The following CELSR1 variants were observed in gnomAD, a reference collection of about 807,000 sequenced individuals.
CELSR1 encodes adhesion G protein-coupled receptor C1.
A neutral mutation model predicts 249.1 loss-of-function variants in CELSR1; 110 were observed. The observed-to-expected ratio is 0.44, with a 90% confidence interval of 0.38 to 0.52. CELSR1 has a LOEUF of 0.52. Among genes scored for constraint, CELSR1 ranks in the 20% least tolerant of loss-of-function variants. The pLI is 0.00. For missense variants in CELSR1, 4,109 were observed against 4,296.4 expected, an observed-to-expected ratio of 0.96 and a Z score of 1.22; for synonymous variants, 2,113 against 1,900.0, an observed-to-expected ratio of 1.11 and a Z score of -2.92.
chr22:46,415,768 G>A (rs1214219198), intron 5 of CELSR1, among the ~76,000 whole-genome samples: 1 of 152,186 alleles, frequency 6.6e-6, no homozygotes, highest in Non-Finnish European at 1.5e-5. Flanking sequence ...CTGCCAGGTG[G>A]CTATGAGTGA....
At chr22:46,376,166 T>A (rs532871156) in intron 24 of CELSR1, among the ~76,000 whole-genome samples, 1 of 152,392 alleles carries the variant, frequency 6.6e-6, no homozygotes, top group African/African-American at 2.4e-5. Context: ...TTAATGAGCA[T>A]AACATTTATC....
chr22:46,531,147 T>C (rs2080787664), intron 1 of CELSR1, among the ~76,000 whole-genome samples: 2 of 152,206 alleles, frequency 1.3e-5, no homozygotes, highest in Non-Finnish European at 2.9e-5. Flanking sequence ...TTTGGAGCAT[T>C]AAATCCTAGT....
At position 46,365,298 on chromosome 22, in the gene CELSR1, C is replaced by T. The variant is rs760526562; in HGVS notation, c.8487G>A (p.Glu2829=). 3 of 1,612,860 alleles carry T rather than the reference C, an allele frequency of 1.9e-6. No individual in the cohort carries two copies. The highest frequency in any genetic ancestry group is 2.5e-6 in the Non-Finnish European group (3 of 1,179,986). Residue 2829 remains glutamate (E), a synonymous_variant, in exon 32 of 35, where the codon GAG becomes GAA. Coordinates refer to ENST00000674500, the MANE Select transcript of CELSR1 (RefSeq NM_001378328.1). ...TTTCCTCAGCTCCCACCCCATCGTC[C>T]TCGCTGTCTGACGAGTGTGAGGAGG... ...SYASSHSSDS[E]DDGVGAEEKW... is the part of the protein sequence containing the mutation.
At position 46,364,166 on chromosome 22, in the gene CELSR1, G is replaced by C; in HGVS notation, c.8865C>G (p.Ala2955=). 1.2e-6 allele frequency: 2 copies of C among 1,612,234 alleles called. No individual in the cohort carries two copies. Among genetic ancestry groups the C allele is most frequent in the Non-Finnish European group, 1.7e-6 (2 of 1,179,814 alleles). ...TLKGRLREKL[A]DCEQSPTSSR... ...AGGATGTGGGGCTCTGCTCACAGTC[G>C]GCCAGCTTCTCCCGGAGCCGGCCCT... Residue 2955 remains alanine (A), a synonymous_variant, in exon 34 of 35, where the codon GCC becomes GCG. Transcript: ENST00000674500.
rs751165301 is a variant in CELSR1 at position 46,364,250 on chromosome 22, G to A, written c.8781C>T (p.Gly2927=). The A allele has an allele frequency of 1.7e-5, 27 of 1,607,604 alleles. No homozygotes were observed. Among genetic ancestry groups the A allele is most frequent in the Non-Finnish European group, 2.2e-5 (26 of 1,179,552 alleles). ...ASSQPPEQRK[G]ILKNKVTYPP... is the part of the protein sequence containing the mutation. ...GGTAGGTGACTTTATTTTTCAAGAT[G>A]CCTGGGAGGAGGAGACACGGCAAGG... Residue 2927 remains glycine (G), a splice_region_variant and synonymous_variant, in exon 34 of 35, where the codon GGC becomes GGT. Transcript: ENST00000674500.
Position 46,536,708 on chromosome 22 carries a change from C to T in CELSR1, c.463G>A (p.Ala155Thr), listed in dbSNP as rs1044070605. 12 of 1,127,488 alleles carry T rather than the reference C, an allele frequency of 1.1e-5. No homozygotes were observed. Among genetic ancestry groups the T allele is most frequent in the Middle Eastern group, 3.9e-4 (1 of 2,596 alleles). 69.8% of individuals were successfully genotyped at this position (1,127,488 alleles called of 1,614,324 possible). A position where few individuals can be genotyped will look rare whatever the true frequency, so the allele number is the denominator to read the frequency against. Reference protein sequence around the residue: ...SALAAPTTLPACRCPPRPRPR... With the variant: ...SALAAPTTLPTCRCPPRPRPR... Reference sequence around the variant, plus strand: ...CTGGGGCGCGGCGGGCAGCGGCAGGCGGGTAAGGTGGTCGGAGCTGCGAGC... The same window carrying T: ...CTGGGGCGCGGCGGGCAGCGGCAGGTGGGTAAGGTGGTCGGAGCTGCGAGC... Residue 155 changes from alanine to threonine, a missense_variant, in exon 1 of 35, where the codon GCC becomes ACC. Ala to Thr is a moderately conservative substitution (Grantham distance 58). Coordinates refer to ENST00000674500, the MANE Select transcript of CELSR1 (RefSeq NM_001378328.1).
chr22:46,414,178 C>T (rs539412708), intron 5 of CELSR1, among the ~76,000 whole-genome samples: 1 of 152,316 alleles, frequency 6.6e-6, no homozygotes, highest in African/African-American at 2.4e-5. Flanking sequence ...GTCTGGCCTT[C>T]GTGAATCAGA....
intron 1 of CELSR1, among the ~76,000 whole-genome samples, chr22:46,494,343 G>C (rs2080394322): frequency 6.6e-6 from 1 of 152,124 alleles, no homozygotes; most frequent in African/African-American, 2.4e-5. Flanking sequence ...TTTAGAATCA[G>C]ATTGTCAATT....
chr22:46,361,609 G>T lies in CELSR1; in HGVS notation c.*1614C>A, dbSNP rs1380741413. 1 of 152,230 alleles carries T rather than the reference G, an allele frequency of 6.6e-6. No individual in the cohort carries two copies. Among genetic ancestry groups the T allele is most frequent in the Admixed American group, 6.5e-5 (1 of 15,292 alleles). The allele number at this position is 152,230 out of a possible 1,614,324, so 9.4% of individuals were successfully genotyped here. On this transcript the variant is annotated 3_prime_UTR_variant, in exon 35 of 35. Transcript: ENST00000674500. ...CATGTATAATTCATTCAGGTGTGAG[G>T]ACTCTGGGATCTCATTTCATCCTCC...
Position 46,398,546 on chromosome 22 carries a change from C to A in CELSR1, c.5504G>T (p.Arg1835Leu), listed in dbSNP as rs375057747. Residue 1835 changes from arginine (R) to leucine (L), a missense_variant, in exon 11 of 35, where the codon CGT becomes CTT. This residue lies in a region of CELSR1 where 1,805 missense variants were observed against 1,831.6 expected (regional missense o/e 0.99). Coordinates refer to ENST00000674500, the MANE Select transcript of CELSR1 (RefSeq NM_001378328.1). This position sits in a 1 kb window ranked among gnomAD's most constrained non-coding sequence, Gnocchi z 7.2. ...GASEDKVSVR[R>L]GFRGCMQGVR... ...CACCTGCATGCAGCCTCGGAATCCA[C>A]GGCGCACGGAGACCTTGTCTTCAGA... The A allele has an allele frequency of 1.2e-6, 2 of 1,612,260 alleles. No individual in the cohort carries two copies. Among genetic ancestry groups the A allele is most frequent in the Admixed American group, 3.4e-5 (2 of 59,672 alleles).
In CELSR1 at chr22:46,446,335, T is replaced by C. The variant is rs1010950478; in HGVS notation, c.4184-6924A>G. 6.6e-6 allele frequency among the ~76,000 whole-genome samples: 1 copy of C among 152,182 alleles called. No homozygotes were observed. Among genetic ancestry groups the C allele is most frequent in the Non-Finnish European group, 1.5e-5 (1 of 68,022 alleles). On this transcript the variant is annotated intron_variant, in intron 2 of 34. Transcript: ENST00000674500. The surrounding 1 kb of genome is among the most constrained non-coding windows in gnomAD (Gnocchi z 5.5). ...TCCTCTGCCTCGAGCACTCTCCCTC[T>C]GGGGAAGCTCGGGCCACCTGCCTGC...
chr22:46,451,002 C>A (rs2079877213), intron 2 of CELSR1, among the ~76,000 whole-genome samples: 1 of 152,192 alleles, frequency 6.6e-6, no homozygotes, highest in African/African-American at 2.4e-5. Context: ...TTCCTCACTG[C>A]CTTCCTGAGA....
rs1037811368 is a variant in CELSR1 at position 46,393,476 on chromosome 22, G to A, written c.5964+666C>T. 7.9e-5 allele frequency among the ~76,000 whole-genome samples: 12 copies of A among 152,194 alleles called. No individual in the cohort carries two copies. The highest frequency in any genetic ancestry group is 1.6e-4 in the Non-Finnish European group (11 of 68,032). On this transcript the variant is annotated intron_variant, in intron 14 of 34. Transcript: ENST00000674500. The surrounding 1 kb of genome is among the most constrained non-coding windows in gnomAD (Gnocchi z 4.1). Reference sequence around the variant, plus strand: ...AAAATGGCCAGGCACGGTGGCTCACGCCTGTAATCCCAGCACTCTGGGAGG... The same window carrying A: ...AAAATGGCCAGGCACGGTGGCTCACACCTGTAATCCCAGCACTCTGGGAGG...
Position 46,484,887 on chromosome 22 carries a change from G to A in CELSR1, c.3545-20542C>T, listed in dbSNP as rs2080299220. Among the ~76,000 whole-genome samples the A allele has an allele frequency of 6.6e-6, 1 of 151,096 alleles. No individual in the cohort carries two copies. The highest frequency in any genetic ancestry group is 1.5e-5 in the Non-Finnish European group (1 of 67,912). On this transcript the variant is annotated intron_variant, in intron 1 of 34. Coordinates refer to ENST00000674500, the MANE Select transcript of CELSR1 (RefSeq NM_001378328.1). This position sits in a 1 kb window ranked among gnomAD's most constrained non-coding sequence, Gnocchi z 4.5. Reference sequence around the variant, plus strand: ...TCTTTGGGGGAAAAGATCAAATATTGGCCCAGACGTCTATTAATTTGCAAC... The same window carrying A: ...TCTTTGGGGGAAAAGATCAAATATTAGCCCAGACGTCTATTAATTTGCAAC...
intron 19 of CELSR1, among the ~76,000 whole-genome samples, chr22:46,386,161 G>A (rs2079031553): frequency 6.6e-6 from 1 of 152,118 alleles, no homozygotes; most frequent in Non-Finnish European, 1.5e-5. Flanking sequence ...GTAGAGATGG[G>A]GTTTCACCAT....
At chr22:46,451,648 C>T (rs2079886339) in intron 2 of CELSR1, among the ~76,000 whole-genome samples, 1 of 152,132 alleles carries the variant, frequency 6.6e-6, no homozygotes, top group Admixed American at 6.5e-5. Flanking sequence ...AGAAGAGGGG[C>T]TCCCTACAAC....
intron 2 of CELSR1, among the ~76,000 whole-genome samples, chr22:46,444,086 C>T (rs2079788508): frequency 6.6e-6 from 1 of 152,228 alleles, no homozygotes; most frequent in Non-Finnish European, 1.5e-5. Flanking sequence ...CAGGCTGGGC[C>T]CGGGGCTCAG....
intron 20 of CELSR1, among the ~76,000 whole-genome samples, chr22:46,382,802 G>A (rs1228031439): frequency 2.0e-5 from 3 of 152,184 alleles, no homozygotes; most frequent in African/African-American, 7.2e-5. Flanking sequence ...AATCACAAAA[G>A]GACAAATATC....
rs562880318 is a variant in CELSR1 at position 46,380,650 on chromosome 22, C to T, written c.7256+138G>A. 2 of 955,772 alleles carry T rather than the reference C, an allele frequency of 2.1e-6. 1 individual carries two copies. The highest frequency in any genetic ancestry group is 3.2e-5 in the South Asian group (2 of 62,160). The allele number at this position is 955,772 out of a possible 1,614,324, so 59.2% of individuals were successfully genotyped here. Reference sequence around the variant, plus strand: ...AGAAGCAGAGCAGGAGGCTCACTGCCCCCACGGGGGACTTAAAGGGGAAAC... The same window carrying T: ...AGAAGCAGAGCAGGAGGCTCACTGCTCCCACGGGGGACTTAAAGGGGAAAC... On this transcript the variant is annotated intron_variant, in intron 22 of 34. Coordinates refer to ENST00000674500, the MANE Select transcript of CELSR1 (RefSeq NM_001378328.1). The surrounding 1 kb of genome is among the most constrained non-coding windows in gnomAD (Gnocchi z 5.1).
Sources: gnomAD v4.1 joint callset for allele counts (sites outside exome capture counted in the v4.1 genomes callset) on GRCh38, gnomAD v4.1.1 for gene constraint, gnomAD v4.1.1 regional missense constraint, Gnocchi (gnomAD v3.1) non-coding constraint, MANE v1.5 for transcripts, NCBI Gene and HGNC (gene_info 2026-07-23, HGNC 2026-07-21) for gene names.